The following PBX1 variants were observed in gnomAD, a reference collection of about 807,000 sequenced individuals.
PBX1 encodes pre-B-cell leukemia transcription factor 1.
PBX1 carries 6 observed loss-of-function variants against 53.4 expected under a neutral mutation model. The observed-to-expected ratio is 0.11, with a 90% confidence interval of 0.06 to 0.22. The LOEUF (loss-of-function observed/expected upper bound fraction) is 0.22, where lower values mean the gene tolerates loss of function less well. Among genes scored for constraint, PBX1 ranks in the 10% least tolerant of loss-of-function variants. The pLI is 1.00. For missense variants in PBX1, 251 were observed against 551.4 expected, an observed-to-expected ratio of 0.46 and a Z score of 5.46; for synonymous variants, 204 against 212.3, an observed-to-expected ratio of 0.96 and a Z score of 0.34.
At chr1:164,833,426 G>A (rs760185769) in intron 8 of PBX1, among the ~76,000 whole-genome samples, 39 of 152,248 alleles carry the variant, frequency 2.6e-4, no homozygotes, top group Middle Eastern at 3.4e-3. Flanking sequence ...GGGCAAAGAC[G>A]TTTTCAATCA....
intron 5 of PBX1, among the ~76,000 whole-genome samples, chr1:164,808,680 G>C (rs1462103048): frequency 6.6e-6 from 1 of 152,042 alleles, no homozygotes; most frequent in African/African-American, 2.4e-5. Context: ...ATCCCTGCAG[G>C]GTGCTGATCC....
chr1:164,653,019 A>G (rs1320712656), intron 2 of PBX1, among the ~76,000 whole-genome samples: 1 of 151,932 alleles, frequency 6.6e-6, no homozygotes, highest in South Asian at 2.1e-4. Flanking sequence ...GGTGTGCGCC[A>G]CCACACCCGG....
chr1:164,805,498 C>T (rs1410596530), intron 4 of PBX1, among the ~76,000 whole-genome samples: 2 of 152,170 alleles, frequency 1.3e-5, no homozygotes, highest in Non-Finnish European at 2.9e-5. Context: ...ATCCGCATAC[C>T]ACCAGCTCAT....
intron 2 of PBX1, among the ~76,000 whole-genome samples, chr1:164,600,451 G>A (rs987080233): frequency 6.6e-6 from 1 of 152,008 alleles, no homozygotes; most frequent in African/African-American, 2.4e-5. Context: ...GTTTCACAAT[G>A]TTAGTCAGGC....
Position 164,849,508 on chromosome 1 carries a change from A to C in PBX1, c.*2832A>C, listed in dbSNP as rs1671729944. ...GCTTCCTGGGAATTCACATGAGGCC[A>C]GTCCTACAGAGAGCAAGATGCACCC... On this transcript the variant is annotated 3_prime_UTR_variant, in exon 9 of 9. Coordinates refer to ENST00000420696, the MANE Select transcript of PBX1 (RefSeq NM_002585.4). 4.1e-6 allele frequency: 6 copies of C among 1,470,586 alleles called. No homozygotes were observed. The South Asian group carries it at 7.5e-5, about 18-fold the overall frequency. 91.1% of individuals were successfully genotyped at this position (1,470,586 alleles called of 1,614,324 possible). A position where few individuals can be genotyped will look rare whatever the true frequency, so the allele number is the denominator to read the frequency against.
intron 2 of PBX1, among the ~76,000 whole-genome samples, chr1:164,571,341 C>T (rs1348133126): frequency 6.6e-6 from 1 of 152,152 alleles, no homozygotes; most frequent in East Asian, 1.9e-4. Flanking sequence ...ACCAATCAGT[C>T]CATATTTCCC....
At chr1:164,709,741 C>T (rs1208378348) in intron 2 of PBX1, among the ~76,000 whole-genome samples, 1 of 152,242 alleles carries the variant, frequency 6.6e-6, no homozygotes, top group Non-Finnish European at 1.5e-5. Context: ...AAATGTGCCT[C>T]AGGCTCCTTT....
intron 2 of PBX1, among the ~76,000 whole-genome samples, chr1:164,583,612 C>G (rs923721856): frequency 7.2e-5 from 11 of 152,294 alleles, no homozygotes; most frequent in African/African-American, 2.4e-4. Context: ...GAGGGACAGT[C>G]CCTGAGACAT....
chr1:164,728,857 TC>T (rs1304509898), intron 2 of PBX1, among the ~76,000 whole-genome samples: 1 of 152,244 alleles, frequency 6.6e-6, no homozygotes, highest in Non-Finnish European at 1.5e-5. Context: ...CTGTTATTTT[TC>T]TTCATAGAGC....
chr1:164,685,949 A>G lies in PBX1; in HGVS notation c.266-106545A>G, dbSNP rs149982073. 7.4e-3 allele frequency among the ~76,000 whole-genome samples: 1,125 copies of G among 152,246 alleles called. 13 individuals carry two copies. Among genetic ancestry groups the G allele is most frequent in the African/African-American group, 0.026 (1,081 of 41,546 alleles). On this transcript the variant is annotated intron_variant, in intron 2 of 8. Coordinates refer to ENST00000420696, the MANE Select transcript of PBX1 (RefSeq NM_002585.4). ...ATTAGGTGCCTGTTCCCCCGTGGTGAGTGTTACAAAGTGCAGCACCACCCA... is the reference window on the plus strand; with the variant it reads ...ATTAGGTGCCTGTTCCCCCGTGGTGGGTGTTACAAAGTGCAGCACCACCCA...
chr1:164,788,722 G>T (rs902190783), intron 2 of PBX1, among the ~76,000 whole-genome samples: 2 of 151,432 alleles, frequency 1.3e-5, no homozygotes, highest in Non-Finnish European at 2.9e-5. Flanking sequence ...ATTTGGAAAT[G>T]ACTGTTGTTG....
intron 2 of PBX1, among the ~76,000 whole-genome samples, chr1:164,611,439 C>T (rs1656918865): frequency 6.6e-6 from 1 of 152,004 alleles, no homozygotes; most frequent in Non-Finnish European, 1.5e-5. Flanking sequence ...GGGGTTTCAC[C>T]GTGTTAGCCA....
At chr1:164,807,444 CA>C (rs1669413696) in intron 4 of PBX1, 97 bp from the exon 5 acceptor site, 2 of 1,460,910 alleles carry the variant, frequency 1.4e-6, no homozygotes, top group Non-Finnish European at 1.8e-6. Context: ...ACCTTTTGCT[CA>C]AAAATTTGTC....
At chr1:164,599,654 T>G (rs1408453345) in intron 2 of PBX1, among the ~76,000 whole-genome samples, 4 of 152,320 alleles carry the variant, frequency 2.6e-5, no homozygotes, top group African/African-American at 9.6e-5. Context: ...GCCTGGCGAC[T>G]GTAGGGACAC....
rs182360910 is a variant in PBX1, at chr1:164,849,425, C to G, written c.*2749C>G. ...TGAGATCTGTCCACATTAGGCGAAG[C>G]AGGAGAACACTGAGAGCAGCAGGAT... On this transcript the variant is annotated 3_prime_UTR_variant, in exon 9 of 9. Transcript: ENST00000420696. 14 of 1,535,428 alleles carry G rather than the reference C, an allele frequency of 9.1e-6. 1 individual carries two copies. The Admixed American group carries it at 2.2e-4, about 24-fold the overall frequency.
intron 2 of PBX1, among the ~76,000 whole-genome samples, chr1:164,775,652 T>C (rs10753646): frequency 0.26 from 38,915 of 152,080 alleles, 5,448 homozygotes; most frequent in African/African-American, 0.34. Context: ...TGGCGTGATT[T>C]ATGCTGGCTG....
At chr1:164,628,328 C>T (rs1395962170) in intron 2 of PBX1, among the ~76,000 whole-genome samples, 1 of 152,204 alleles carries the variant, frequency 6.6e-6, no homozygotes, top group Non-Finnish European at 1.5e-5. Flanking sequence ...TGCAGCATGA[C>T]AGTCCCCTAT....
At chr1:164,743,174 T>C (rs999970230) in intron 2 of PBX1, among the ~76,000 whole-genome samples, 1 of 152,174 alleles carries the variant, frequency 6.6e-6, no homozygotes, top group Non-Finnish European at 1.5e-5. Context: ...AGTCGATGGC[T>C]ACACAATAAG....
chr1:164,822,663 A>G (rs904008112), intron 8 of PBX1, among the ~76,000 whole-genome samples: 3 of 152,210 alleles, frequency 2.0e-5, no homozygotes, highest in African/African-American at 7.2e-5. Context: ...CTCAGATCAG[A>G]TGAGGAATGA....
Sources: allele counts gnomAD v4.1 joint callset (sites outside exome capture counted in the v4.1 genomes callset), GRCh38; gene constraint gnomAD v4.1.1; transcripts MANE v1.5; gene names NCBI Gene and HGNC (gene_info 2026-07-23, HGNC 2026-07-21).